Variants in MIB1 observed in about 807,000 individuals in gnomAD.
MIB1 encodes the protein E3 ubiquitin-protein ligase MIB1.
MIB1 carries 278 observed loss-of-function variants against 124.5 expected under a neutral mutation model. The observed-to-expected ratio is 2.23, with a 90% CI of 2.02 to 2.47. MIB1 has a LOEUF of 2.47. Among genes scored for constraint, MIB1 ranks in the 30% most tolerant of loss-of-function variants. The pLI is 0.00. For missense variants in MIB1, 957 were observed against 1,254.4 expected (o/e 0.76, Z 3.58); for synonymous variants, 446 against 429.4 (o/e 1.04, Z -0.48).
At chr18:21,791,065 A>G (rs2041496597) in intron 6 of MIB1, among the ~76,000 whole-genome samples, 1 of 151,824 alleles carries the variant, frequency 6.6e-6, no homozygotes. Context: ...TTAGCTGGGC[A>G]CAGTGGCATG....
At chr18:21,735,745 A>G (rs1474195545) in intron 1 of MIB1, among the ~76,000 whole-genome samples, 1 of 152,230 alleles carries the variant, frequency 6.6e-6, no homozygotes, top group Admixed American at 6.5e-5. Context: ...CTCACAGTGT[A>G]AACAAAGCTG....
At chr18:21,731,779 A>G (rs951121085) in intron 1 of MIB1, among the ~76,000 whole-genome samples, 2 of 151,472 alleles carry the variant, frequency 1.3e-5, no homozygotes, top group East Asian at 3.9e-4. Flanking sequence ...ACATCTGTGT[A>G]CAAAACTTTG....
At chr18:21,761,162 T>A (rs1314797357) in intron 1 of MIB1, among the ~76,000 whole-genome samples, 1 of 152,028 alleles carries the variant, frequency 6.6e-6, no homozygotes, top group Non-Finnish European at 1.5e-5. Context: ...ATATTATTGC[T>A]TCTAACACAA....
intron 1 of MIB1, among the ~76,000 whole-genome samples, chr18:21,709,725 A>C (rs541489232): frequency 4.2e-4 from 64 of 152,342 alleles, no homozygotes; most frequent in African/African-American, 1.5e-3. Context: ...TGGGCAGTCA[A>C]AAAGAATGCA....
At chr18:21,843,091 G>T (rs1256691256) in intron 13 of MIB1, 40 bp from the exon 14 acceptor site, 2 of 1,465,676 alleles carry the variant, frequency 1.4e-6, no homozygotes, top group South Asian at 1.2e-5. Flanking sequence ...CTTTACTGTT[G>T]TCAAATTTTA....
chr18:21,835,640 G>T (rs952767476), intron 12 of MIB1, among the ~76,000 whole-genome samples: 1 of 151,572 alleles, frequency 6.6e-6, no homozygotes, highest in Non-Finnish European at 1.5e-5. Context: ...GCCTGGTGGT[G>T]GGCACCTGTA....
chr18:21,758,790 C>T (rs557574540), intron 1 of MIB1, among the ~76,000 whole-genome samples: 2 of 152,276 alleles, frequency 1.3e-5, no homozygotes, highest in South Asian at 4.1e-4. Flanking sequence ...GCCTCGGCCT[C>T]CCAAAGTGCT....
chr18:21,803,887 C>G lies in MIB1; in HGVS notation c.1372-20C>G. 6.4e-7 allele frequency: 1 copy of G among 1,574,086 alleles called. No individual in the cohort carries two copies. Among genetic ancestry groups the G allele is most frequent in the Non-Finnish European group, 8.7e-7 (1 of 1,146,066 alleles). On this transcript the variant is annotated intron_variant, in intron 9 of 20. Coordinates refer to ENST00000261537, the MANE Select transcript of MIB1 (RefSeq NM_020774.4). ...CTGATTATTCATTCATTCTTTCATT[C>G]TTTTTTTTAAAAAATGTAGGTAAAT... is the stretch of plus-strand genomic sequence containing the variant.
intron 1 of MIB1, among the ~76,000 whole-genome samples, chr18:21,745,675 AACACACACACAC>A (rs144491531): frequency 9.0e-5 from 13 of 144,652 alleles, no homozygotes; most frequent in Middle Eastern, 3.2e-3. Flanking sequence ...ATAGGTGTTA[AACACACACACAC>A]ACACACACAC....
rs1032811965 is a variant in MIB1 at position 21,870,811 on chromosome 18, A to G, written c.*6145A>G. The G allele has an allele frequency of 6.6e-6, 1 of 152,146 alleles. No individual in the cohort carries two copies. The highest frequency in any genetic ancestry group is 1.5e-5 in the Non-Finnish European group (1 of 68,006). The allele number at this position is 152,146 out of a possible 1,614,324, so 9.4% of individuals were successfully genotyped here. A position where few individuals can be genotyped will look rare whatever the true frequency, so the allele number is the denominator to read the frequency against. On this transcript the variant is annotated 3_prime_UTR_variant, in exon 21 of 21. Transcript: ENST00000261537. Reference sequence around the variant, plus strand: ...ATTTGAAAAAAGCATATATATTCCAACTTTAAAATTGTGAATTTATTTTGA... The same window carrying G: ...ATTTGAAAAAAGCATATATATTCCAGCTTTAAAATTGTGAATTTATTTTGA...
chr18:21,752,386 A>T (rs1266449635), intron 1 of MIB1, among the ~76,000 whole-genome samples: 1 of 152,152 alleles, frequency 6.6e-6, no homozygotes, highest in African/African-American at 2.4e-5. Context: ...GTGGTCATGG[A>T]TAATTATGTT....
At chr18:21,725,778 GGA>G (rs1432777230) in intron 1 of MIB1, among the ~76,000 whole-genome samples, 1 of 135,928 alleles carries the variant, frequency 7.4e-6, no homozygotes, top group Non-Finnish European at 1.5e-5. Context: ...AGGGAGGGAG[GGA>G]GAGAGGGAAG....
intron 20 of MIB1, among the ~76,000 whole-genome samples, chr18:21,862,407 T>C (rs1414581515): frequency 6.6e-6 from 1 of 152,232 alleles, no homozygotes; most frequent in South Asian, 2.1e-4. Context: ...TGAAGACATT[T>C]CTTTTTAATT....
At chr18:21,715,220 A>G (rs536356537) in intron 1 of MIB1, among the ~76,000 whole-genome samples, 2 of 152,296 alleles carry the variant, frequency 1.3e-5, no homozygotes, top group East Asian at 3.9e-4. Flanking sequence ...ACCAACTCAG[A>G]TCCTGGTAGA....
intron 12 of MIB1, chr18:21,828,660 C>T (rs569757694): frequency 1.7e-5 from 3 of 175,586 alleles, no homozygotes; most frequent in East Asian, 1.8e-4. Flanking sequence ...ATGTGTATTC[C>T]TCATTCTTTT....
chr18:21,730,449 TC>T (rs1429332012), intron 1 of MIB1, among the ~76,000 whole-genome samples: 1 of 152,184 alleles, frequency 6.6e-6, no homozygotes, highest in Non-Finnish European at 1.5e-5. Context: ...GCGCCTGTAG[TC>T]CTGGCTGCTC....
chr18:21,796,395 G>GT (rs1403725414), intron 7 of MIB1, among the ~76,000 whole-genome samples: 4 of 151,748 alleles, frequency 2.6e-5, no homozygotes, highest in Non-Finnish European at 4.4e-5. Flanking sequence ...GCCTGTCAGG[G>GT]TGGGGGGCAA....
chr18:21,841,541 TAGAA>T (rs1339408779), intron 13 of MIB1, among the ~76,000 whole-genome samples: 1 of 152,088 alleles, frequency 6.6e-6, no homozygotes, highest in African/African-American at 2.4e-5. Context: ...ATTGCCCACT[TAGAA>T]TGACTAAAAT....
At chr18:21,711,197 C>T (rs892641654) in intron 1 of MIB1, among the ~76,000 whole-genome samples, 3 of 152,106 alleles carry the variant, frequency 2.0e-5, no homozygotes, top group Non-Finnish European at 4.4e-5. Flanking sequence ...TAGAGAATAC[C>T]TAATACTACC....
Sources: gnomAD v4.1 joint callset for allele counts (sites outside exome capture counted in the v4.1 genomes callset) on GRCh38, gnomAD v4.1.1 for gene constraint, MANE v1.5 for transcripts, NCBI Gene and HGNC (gene_info 2026-07-23, HGNC 2026-07-21) for gene names.